Variants in CNOT4 observed in about 807,000 individuals in gnomAD.
The protein encoded by CNOT4 is CCR4-NOT transcription complex subunit 4.
CNOT4 carries 8 observed loss-of-function variants against 73.8 expected under a neutral mutation model. The ratio of observed to expected loss-of-function variants is 0.11; its 90% CI spans 0.06 to 0.20. CNOT4 has a LOEUF of 0.20. Among genes scored for constraint, CNOT4 ranks in the 10% least tolerant of loss-of-function variants. The pLI is 1.00. For synonymous variants in CNOT4, 293 were observed against 321.1 expected, an observed-to-expected ratio of 0.91 and a Z score of 0.94; for missense variants, 564 against 883.4, an observed-to-expected ratio of 0.64 and a Z score of 4.58.
At chr7:135,423,710 A>G (rs1213359216) in intron 2 of CNOT4, among the ~76,000 whole-genome samples, 1 of 152,114 alleles carries the variant, frequency 6.6e-6, no homozygotes, top group East Asian at 1.9e-4. Flanking sequence ...GGTGACCCAA[A>G]AAAGATTCAG....
rs187245866 is a variant in CNOT4 at position 135,394,727 on chromosome 7, C to G, written c.1130-312G>C. On this transcript the variant is annotated intron_variant, in intron 9 of 11. Coordinates refer to ENST00000541284, the MANE Select transcript of CNOT4 (RefSeq NM_001190850.2). ...TCATAATCAAAACCAACCTAAGTCACTTCCATCAAATAAATATAACAGATT... is the reference window on the plus strand; with the variant it reads ...TCATAATCAAAACCAACCTAAGTCAGTTCCATCAAATAAATATAACAGATT... 9.9e-5 allele frequency among the ~76,000 whole-genome samples: 15 copies of G among 152,242 alleles called. No individual in the cohort carries two copies. The East Asian group carries it at 2.9e-3, about 29-fold the overall frequency.
chr7:135,396,057 A>G lies in CNOT4; in HGVS notation c.880-174T>C, dbSNP rs1796663907. On this transcript the variant is annotated intron_variant, in intron 8 of 11. Coordinates refer to ENST00000541284, the MANE Select transcript of CNOT4 (RefSeq NM_001190850.2). ...TCAATTAAATCATTAACTTACATAT[A>G]TACTCTTTAAAAAAATATTAATCTG... 1.3e-5 allele frequency among the ~76,000 whole-genome samples: 2 copies of G among 150,230 alleles called. 1 individual carries two copies. Among genetic ancestry groups the G allele is most frequent in the South Asian group, 4.2e-4 (2 of 4,794 alleles).
chr7:135,508,788 G>A (rs991573740), intron 1 of CNOT4, among the ~76,000 whole-genome samples: 3 of 152,176 alleles, frequency 2.0e-5, no homozygotes, highest in Non-Finnish European at 4.4e-5. Flanking sequence ...GTTCACAGAT[G>A]AATTCTGTAT....
At chr7:135,485,482 C>T (rs921699907) in intron 1 of CNOT4, among the ~76,000 whole-genome samples, 1 of 152,166 alleles carries the variant, frequency 6.6e-6, no homozygotes. Flanking sequence ...AGAATTATGC[C>T]TCCCGATATT....
At chr7:135,396,700 A>G (rs548753918) in intron 8 of CNOT4, among the ~76,000 whole-genome samples, 1 of 151,596 alleles carries the variant, frequency 6.6e-6, no homozygotes, top group East Asian at 1.9e-4. Context: ...AGAAATTGAA[A>G]GACTTGAGTG....
At chr7:135,372,962 A>C (rs1795302450) in intron 10 of CNOT4, among the ~76,000 whole-genome samples, 1 of 152,216 alleles carries the variant, frequency 6.6e-6, no homozygotes, top group Non-Finnish European at 1.5e-5. Flanking sequence ...GCCACAGAAG[A>C]TGCTAAAACA....
intron 1 of CNOT4, among the ~76,000 whole-genome samples, chr7:135,470,332 GTA>G: frequency 6.6e-6 from 1 of 150,668 alleles, no homozygotes; most frequent in East Asian, 2.0e-4. Context: ...AAGCGTCACT[GTA>G]TTGCACAGGC....
intron 2 of CNOT4, among the ~76,000 whole-genome samples, chr7:135,427,969 C>A (rs1037003275): frequency 5.9e-5 from 9 of 152,102 alleles, no homozygotes; most frequent in Non-Finnish European, 1.2e-4. Context: ...CCATGATAAG[C>A]TGAGATACAG....
chr7:135,491,074 G>A (rs929708009), intron 1 of CNOT4, among the ~76,000 whole-genome samples: 3 of 152,246 alleles, frequency 2.0e-5, no homozygotes, highest in African/African-American at 4.8e-5. Flanking sequence ...GAACTGAGAT[G>A]AGGAAGGCTA....
At chr7:135,444,565 G>C in intron 1 of CNOT4, 1 of 1,367,544 alleles carries the variant, frequency 7.3e-7, no homozygotes. Flanking sequence ...CTTCAGGACC[G>C]ACCTATCCCA....
chr7:135,484,686 C>T (rs1012435277), intron 1 of CNOT4, among the ~76,000 whole-genome samples: 4 of 149,788 alleles, frequency 2.7e-5, no homozygotes, highest in South Asian at 2.1e-4. Flanking sequence ...ACCCAGGAAG[C>T]GGAGGTTGCA....
Position 135,415,225 on chromosome 7 carries a change from T to C in CNOT4, c.410A>G (p.Lys137Arg). ...ATTATTGATGACAACTTTATGTATT[T>C]TACCAAACTTCCCAAAATATTCTGG... Reference protein sequence around the residue: ...KRPEYFGKFGKIHKVVINNST... With the variant: ...KRPEYFGKFGRIHKVVINNST... The change falls in exon 4 of 12, where the codon AAA (lysine) becomes AGA (arginine). Residue 137 changes from lysine to arginine, a missense_variant. Coordinates refer to ENST00000541284, the MANE Select transcript of CNOT4 (RefSeq NM_001190850.2). The C allele has an allele frequency of 6.2e-7, 1 of 1,601,824 alleles. No individual in the cohort carries two copies. The highest frequency in any genetic ancestry group is 8.6e-7 in the Non-Finnish European group (1 of 1,169,204).
intron 2 of CNOT4, among the ~76,000 whole-genome samples, chr7:135,431,743 CA>C (rs1200457818): frequency 0.029 from 603 of 20,676 alleles, 4 homozygotes; most frequent in African/African-American, 0.065. Flanking sequence ...AACTCCATCT[CA>C]AAAAAAAAAA....
chr7:135,452,900 G>A (rs375785821), intron 1 of CNOT4, among the ~76,000 whole-genome samples: 16 of 152,278 alleles, frequency 1.1e-4, no homozygotes, highest in African/African-American at 3.6e-4. Context: ...AATCAAATCT[G>A]CACAAAATCG....
chr7:135,424,078 C>T lies in CNOT4; in HGVS notation c.175-1725G>A, dbSNP rs112655829. 5.8e-4 allele frequency among the ~76,000 whole-genome samples: 63 copies of T among 107,702 alleles called. No homozygotes were observed. The East Asian group carries it at 0.023, about 39-fold the overall frequency. The allele number at this position is 107,702 out of a possible 152,430, so 70.7% of individuals were successfully genotyped here. A position where few individuals can be genotyped will look rare whatever the true frequency, so the allele number is the denominator to read the frequency against. ...ACACACACACACACACACACACACACACACACACACACATTTTTTATTAAA... is the reference window on the plus strand; with the variant it reads ...ACACACACACACACACACACACACATACACACACACACATTTTTTATTAAA... On this transcript the variant is annotated intron_variant, in intron 2 of 11. Coordinates refer to ENST00000541284, the MANE Select transcript of CNOT4 (RefSeq NM_001190850.2).
At chr7:135,419,888 CA>C (rs58628282) in intron 3 of CNOT4, among the ~76,000 whole-genome samples, 463 of 134,216 alleles carry the variant, frequency 3.4e-3, no homozygotes, top group East Asian at 8.6e-3. Flanking sequence ...ACTAAAAATC[CA>C]AAAAAAAAAA....
chr7:135,462,800 T>C (rs1271496261), intron 1 of CNOT4, among the ~76,000 whole-genome samples: 3 of 152,166 alleles, frequency 2.0e-5, no homozygotes, highest in African/African-American at 7.2e-5. Context: ...GTCAGTAAAA[T>C]GAAGAGGTTG....
intron 7 of CNOT4, among the ~76,000 whole-genome samples, chr7:135,402,919 T>A (rs967290426): frequency 8.5e-5 from 13 of 152,112 alleles, no homozygotes; most frequent in Non-Finnish European, 1.3e-4. Context: ...ATGATTACTT[T>A]AAAAAAATTT....
rs186036808 is a variant in CNOT4, at chr7:135,369,280, C to T, written c.1628-5214G>A. ...GACAATTCCAGTAGATTTGTTTCCA[C>T]GAATATATTTTTGTGCCACCAAATC... On this transcript the variant is annotated intron_variant, in intron 10 of 11. Coordinates refer to ENST00000541284, the MANE Select transcript of CNOT4 (RefSeq NM_001190850.2). Among the ~76,000 whole-genome samples the T allele has an allele frequency of 2.1e-3, 314 of 152,276 alleles. 1 individual carries two copies. Among genetic ancestry groups the T allele is most frequent in the Admixed American group, 0.01 (160 of 15,298 alleles).
Sources: gnomAD v4.1 joint callset for allele counts (sites outside exome capture counted in the v4.1 genomes callset) on GRCh38, gnomAD v4.1.1 for gene constraint, MANE v1.5 for transcripts, NCBI Gene and HGNC (gene_info 2026-07-23, HGNC 2026-07-21) for gene names.